Variants in CIRSR observed in about 807,000 individuals in gnomAD.
CIRSR encodes CBF1 (RBPJ) interacting corepressor 1.
chr2:174,350,716 A>G, the CIRSR span: 1 of 1,609,972 alleles, frequency 6.2e-7, no homozygotes, highest in Non-Finnish European at 8.5e-7. Flanking sequence ...CAACTTCTGG[A>G]TCTTCTTCAC....
At chr2:174,361,071 A>AATCAACTACG in the CIRSR span, among the ~76,000 whole-genome samples, 1 of 152,208 alleles carries the variant, frequency 6.6e-6, no homozygotes, top group African/African-American at 2.4e-5. Flanking sequence ...AATCAAGTAC[A>AATCAACTACG]ATCAACTACG....
chr2:174,351,095 A>G, the CIRSR span, among the ~76,000 whole-genome samples: 1 of 152,316 alleles, frequency 6.6e-6, no homozygotes, highest in African/African-American at 2.4e-5. Context: ...AATTTAATGA[A>G]ATATAAAAAA....
At chr2:174,350,183 A>G in the CIRSR span, among the ~76,000 whole-genome samples, 1 of 152,126 alleles carries the variant, frequency 6.6e-6, no homozygotes, top group Non-Finnish European at 1.5e-5. Flanking sequence ...ACATACTGAA[A>G]GCATCATGAG....
At chr2:174,351,114 T>C in the CIRSR span, among the ~76,000 whole-genome samples, 2 of 152,222 alleles carry the variant, frequency 1.3e-5, no homozygotes, top group Non-Finnish European at 1.5e-5. Flanking sequence ...AAGAAGATTA[T>C]GAGTTTTACA....
chr2:174,378,946 C>T, the CIRSR span: 1 of 1,612,950 alleles, frequency 6.2e-7, no homozygotes, highest in South Asian at 1.1e-5. Flanking sequence ...GGGAACCGAA[C>T]TTGCATTGAT....
chr2:174,379,295 T>C, the CIRSR span, among the ~76,000 whole-genome samples: 2 of 152,204 alleles, frequency 1.3e-5, no homozygotes, highest in Non-Finnish European at 2.9e-5. Context: ...CAAAAAGAAA[T>C]GGTAAAATAC....
At chr2:174,378,889 T>A in the CIRSR span, 10 of 1,411,228 alleles carry the variant, frequency 7.1e-6, no homozygotes, top group Non-Finnish European at 9.0e-6. Context: ...TCCTTGTTTG[T>A]CCTCTCCCGA....
the CIRSR span, among the ~76,000 whole-genome samples, chr2:174,352,681 C>G: frequency 6.6e-6 from 1 of 152,088 alleles, no homozygotes; most frequent in African/African-American, 2.4e-5. Flanking sequence ...ATTCCTGTTT[C>G]ATTTTGTTTT....
the CIRSR span, chr2:174,381,803 G>T: frequency 1.4e-6 from 2 of 1,481,244 alleles, no homozygotes; most frequent in African/African-American, 1.4e-5. Flanking sequence ...CAAAGTTAAC[G>T]ATTTTATGTA....
At chr2:174,351,733 C>G in the CIRSR span, 1 of 1,606,036 alleles carries the variant, frequency 6.2e-7, no homozygotes, top group African/African-American at 1.3e-5. Flanking sequence ...GCCCTGTTCA[C>G]AAAAATCACA....
At chr2:174,370,714 A>G in the CIRSR span, among the ~76,000 whole-genome samples, 1 of 152,122 alleles carries the variant, frequency 6.6e-6, no homozygotes, top group South Asian at 2.1e-4. Context: ...GGAGATTGAG[A>G]CCATCCTGGC....
chr2:174,361,178 A>G, the CIRSR span, among the ~76,000 whole-genome samples: 2 of 152,212 alleles, frequency 1.3e-5, no homozygotes, highest in Admixed American at 6.5e-5. Flanking sequence ...TAGTTTCAAT[A>G]TTTGCCTGTT....
the CIRSR span, among the ~76,000 whole-genome samples, chr2:174,374,652 A>C: frequency 3.9e-5 from 6 of 152,216 alleles, no homozygotes; most frequent in Non-Finnish European, 8.8e-5. Flanking sequence ...CTACGTATGG[A>C]GCTACAAAGA....
chr2:174,374,951 G>A, the CIRSR span, among the ~76,000 whole-genome samples: 1 of 152,044 alleles, frequency 6.6e-6, no homozygotes, highest in East Asian at 1.9e-4. Flanking sequence ...ATTCATCACA[G>A]CACTTATAAA....
the CIRSR span, among the ~76,000 whole-genome samples, chr2:174,363,467 C>T: frequency 6.6e-6 from 1 of 152,212 alleles, no homozygotes; most frequent in Admixed American, 6.5e-5. Flanking sequence ...CCTCACCTTA[C>T]AGGCCTGTTT....
the CIRSR span, chr2:174,351,491 G>T: frequency 6.7e-6 from 4 of 595,334 alleles, no homozygotes; most frequent in South Asian, 3.2e-5. Context: ...ACACATTTTG[G>T]GCATTTTCTT....
chr2:174,380,072 T>G, the CIRSR span: 56 of 591,572 alleles, frequency 9.5e-5, 1 homozygote, highest in Middle Eastern at 5.6e-4. Flanking sequence ...TCTCCTCTAT[T>G]CCTTATATTA....
At chr2:174,382,133 C>G in the CIRSR span, among the ~76,000 whole-genome samples, 1 of 152,068 alleles carries the variant, frequency 6.6e-6, no homozygotes, top group Non-Finnish European at 1.5e-5. Context: ...CACAAATTTA[C>G]AATTAAGTTA....
the CIRSR span, among the ~76,000 whole-genome samples, chr2:174,359,439 G>A: frequency 1.3e-5 from 2 of 151,678 alleles, no homozygotes; most frequent in Non-Finnish European, 2.9e-5. Flanking sequence ...ATCTCTCTAT[G>A]AGAAGACCTC....
Sources: gnomAD v4.1 joint callset for allele counts (sites outside exome capture counted in the v4.1 genomes callset) on GRCh38, gnomAD v4.1.1 for gene constraint, MANE v1.5 for transcripts, NCBI Gene and HGNC (gene_info 2026-07-23, HGNC 2026-07-21) for gene names.